SRRM2: variants seen among roughly 807,000 people sequenced by gnomAD.
SRRM2 encodes serine/arginine repetitive matrix protein 2.
A neutral mutation model predicts 213.8 loss-of-function variants in SRRM2; 30 were observed. The ratio of observed to expected loss-of-function variants is 0.14; its 90% CI spans 0.10 to 0.19. SRRM2 has a LOEUF of 0.19. Among genes scored for constraint, SRRM2 ranks in the 10% least tolerant of loss-of-function variants. The pLI is 1.00. For missense variants in SRRM2, 4,904 were observed against 3,647.0 expected (o/e 1.34, Z -8.88); for synonymous variants, 2,025 against 1,377.7 (o/e 1.47, Z -10.40).
At chr16:2,755,119 C>T (rs1187383878) in intron 1 of SRRM2, among the ~76,000 whole-genome samples, 2 of 152,170 alleles carry the variant, frequency 1.3e-5, no homozygotes, top group Non-Finnish European at 2.9e-5. Context: ...TTCTAGGAAA[C>T]TATCTTGGAG....
rs751525041 is a variant in SRRM2, at chr16:2,767,311, G to C, written c.6783G>C (p.Thr2261=). Residue 2261 remains threonine, a synonymous_variant, in exon 11 of 15, where the codon ACG becomes ACC. Transcript: ENST00000301740. The part of the protein sequence containing the change: ...PTAVNLADSR[T]PAAAAAMNLA... ...CAGTGAACCTGGCTGACTCTCGAAC[G>C]CCAGCTGCAGCAGCGGCCATGAACT... 6.2e-7 allele frequency: 1 copy of C among 1,613,654 alleles called. No individual in the cohort carries two copies. The highest frequency in any genetic ancestry group is 1.1e-5 in the South Asian group (1 of 91,074).
chr16:2,770,349 C>T lies in SRRM2; in HGVS notation c.8022-3C>T, dbSNP rs766246349. 1.1e-5 allele frequency: 17 copies of T among 1,584,984 alleles called. No homozygotes were observed. The South Asian group carries it at 2.0e-4, about 18-fold the overall frequency. On this transcript the variant is annotated splice_region_variant and splice_polypyrimidine_tract_variant and intron_variant, in intron 12 of 14. Coordinates refer to ENST00000301740, the MANE Select transcript of SRRM2 (RefSeq NM_016333.4). ...TGCTATTGGGTCCTACTGTGTTCCC[C>T]AGGTCCCGCAGCCCCCGGAAGCCAA...
rs142967354 is a variant in SRRM2 at position 2,765,887 on chromosome 16, C to T, written c.5359C>T (p.Arg1787Cys). 148 of 1,614,178 alleles carry T rather than the reference C, an allele frequency of 9.2e-5. No homozygotes were observed. The highest frequency in any genetic ancestry group is 3.3e-4 in the Admixed American group (20 of 60,030). ...GAGAGAGAAAACAAGAACAACCCGA[C>T]GTCGAGATAGGTCTGGATCTTCTCA... ...SRREKTRTTR[R>C]RDRSGSSQST... Residue 1787 changes from arginine to cysteine, a missense_variant, in exon 11 of 15, where the codon CGT (arginine) becomes TGT (cysteine). Arg to Cys is a radical substitution (Grantham distance 180, BLOSUM62 -3). Coordinates refer to ENST00000301740, the MANE Select transcript of SRRM2 (RefSeq NM_016333.4).
At chr16:2,770,830 C>T (rs186559209) in intron 14 of SRRM2, 28 bp from the exon 15 acceptor site, 5 of 1,613,858 alleles carry the variant, frequency 3.1e-6, no homozygotes, top group East Asian at 2.2e-5. Flanking sequence ...GGTGGGAACT[C>T]CCTGTTGACC....
chr16:2,756,426 G>A lies in SRRM2; in HGVS notation c.62G>A (p.Arg21His), dbSNP rs1239989309. The A allele has an allele frequency of 1.2e-5, 19 of 1,611,692 alleles. No individual in the cohort carries two copies. Among genetic ancestry groups the A allele is most frequent in the Non-Finnish European group, 1.6e-5 (19 of 1,179,214 alleles). The change falls in exon 2 of 15, where the codon CGC becomes CAC. Residue 21 changes from arginine (R) to histidine (H), a missense_variant. Transcript: ENST00000301740. ...AGCGGCACCAACGGCTACGTCCAGC[G>A]CAACCTGTCCCTGGTGCGGGGCCGC... ...RGSGTNGYVQ[R>H]NLSLVRGRRG...
chr16:2,757,657 TG>T, intron 3 of SRRM2, 78 bp downstream of exon 3: 1 of 1,580,266 alleles, frequency 6.3e-7, no homozygotes, highest in East Asian at 2.2e-5. Context: ...TTTCCTTACG[TG>T]GGACTTCCTC....
intron 11 of SRRM2, chr16:2,768,791 G>T: frequency 3.2e-6 from 3 of 939,532 alleles, no homozygotes; most frequent in Non-Finnish European, 5.0e-6. Flanking sequence ...CCCTTATGCT[G>T]CGGGCCCCAG....
Position 2,765,794 on chromosome 16 carries a change from A to C in SRRM2, c.5266A>C (p.Thr1756Pro), listed in dbSNP as rs2068519877. ...AGCTTCATCTCCACGCACTAAGACA[A>C]CCTCAAGGAGAGGCCGCTCTCCTTC... ...RSASSPRTKTTSRRGRSPSPK... is the reference protein window; with the variant it reads ...RSASSPRTKTPSRRGRSPSPK... The change falls in exon 11 of 15, where the codon ACC becomes CCC. Residue 1756 changes from threonine to proline, a missense_variant. Physicochemically the swap from Thr to Pro is conservative, Grantham distance 38. Transcript: ENST00000301740. 6.2e-7 allele frequency: 1 copy of C among 1,613,962 alleles called. No individual in the cohort carries two copies. Among genetic ancestry groups the C allele is most frequent in the East Asian group, 2.2e-5 (1 of 44,878 alleles).
At position 2,762,839 on chromosome 16, in the gene SRRM2, T is replaced by C; in HGVS notation, c.2311T>C (p.Ser771Pro). 1 of 1,614,038 alleles carries C rather than the reference T, an allele frequency of 6.2e-7. No homozygotes were observed. The highest frequency in any genetic ancestry group is 8.5e-7 in the Non-Finnish European group (1 of 1,180,014). ...CTCTTCACCACGGTCCAAAGCAAAA[T>C]CTCGCTTGTCTTTGAGGCGCAGCCT... ...SLSSPRSKAK[S>P]RLSLRRSLSG... is the part of the protein sequence containing the mutation. Residue 771 changes from serine to proline, a missense_variant, in exon 11 of 15, where the codon TCT becomes CCT. Coordinates refer to ENST00000301740, the MANE Select transcript of SRRM2 (RefSeq NM_016333.4).
rs1402363997 is a variant in SRRM2 at position 2,763,485 on chromosome 16, G to A, written c.2957G>A (p.Arg986Lys). 1.2e-6 allele frequency: 2 copies of A among 1,614,026 alleles called. No individual in the cohort carries two copies. Among genetic ancestry groups the A allele is most frequent in the African/African-American group, 2.7e-5 (2 of 74,914 alleles). ...AAAGTGAAACCTGAAACACCGCCAA[G>A]ACAAAGTCACTCAGGGTCTATTTCA... ...DTKVKPETPPRQSHSGSISPY... is the reference protein window; with the variant it reads ...DTKVKPETPPKQSHSGSISPY... Residue 986 changes from arginine (R) to lysine (K), a missense_variant, in exon 11 of 15, where the codon AGA becomes AAA. Transcript: ENST00000301740.
chr16:2,770,963 C>T lies in SRRM2; in HGVS notation c.*96C>T. The stretch of plus-strand genomic sequence containing the variant: ...AGCCGTGGGAGGGTCCTTGTCTGCT[C>T]TCCTTTGAACCTTGGCAGCCCTTGG... On this transcript the variant is annotated 3_prime_UTR_variant, in exon 15 of 15. Coordinates refer to ENST00000301740, the MANE Select transcript of SRRM2 (RefSeq NM_016333.4). The T allele has an allele frequency of 2.0e-6, 3 of 1,507,700 alleles. No individual in the cohort carries two copies. Among genetic ancestry groups the T allele is most frequent in the Non-Finnish European group, 2.7e-6 (3 of 1,100,902 alleles). 93.4% of individuals were successfully genotyped at this position (1,507,700 alleles called of 1,614,324 possible). A position where few individuals can be genotyped will look rare whatever the true frequency, so the allele number is the denominator to read the frequency against.
rs186552728 is a variant in SRRM2, at chr16:2,762,785, C to T, written c.2257C>T (p.Arg753Cys). 14 of 1,614,018 alleles carry T rather than the reference C, an allele frequency of 8.7e-6. No individual in the cohort carries two copies. Among genetic ancestry groups the T allele is most frequent in the Middle Eastern group, 3.3e-4 (2 of 6,084 alleles). ...TTCAAGCCCAGAAATGAAGAAATCT[C>T]GCATTTCTTCAAGGCGGAGCAGGTC... is the stretch of plus-strand genomic sequence containing the variant. ...SNSSPEMKKSRISSRRSRSLS... is the reference protein window; with the variant it reads ...SNSSPEMKKSCISSRRSRSLS... The change falls in exon 11 of 15, where the codon CGC (arginine) becomes TGC (cysteine). Residue 753 changes from arginine to cysteine, a missense_variant. By Grantham distance (180) the Arg-to-Cys change is radical. Coordinates refer to ENST00000301740, the MANE Select transcript of SRRM2 (RefSeq NM_016333.4).
intron 8 of SRRM2, 62 bp from the exon 9 acceptor site, chr16:2,759,505 TAC>T (rs1338082587): frequency 1.4e-5 from 22 of 1,603,546 alleles, no homozygotes; most frequent in Admixed American, 1.7e-5. Flanking sequence ...GGTTGAGGGA[TAC>T]GTGAGGAGAA....
Position 2,764,863 on chromosome 16 carries a change from A to T in SRRM2, c.4335A>T (p.Pro1445=). The change falls in exon 11 of 15, where the codon CCA becomes CCT. Residue 1445 remains proline (P), a synonymous_variant. Transcript: ENST00000301740. ...PSRRSRSGSS[P]GLRDGSGTPS... Reference sequence around the variant, plus strand: ...GGAGAAGCAGGTCTGGGTCTTCTCCAGGACTTAGAGATGGGTCTGGGACTC... The same window carrying T: ...GGAGAAGCAGGTCTGGGTCTTCTCCTGGACTTAGAGATGGGTCTGGGACTC... 1 of 1,614,244 alleles carries T rather than the reference A, an allele frequency of 6.2e-7. No individual in the cohort carries two copies. Among genetic ancestry groups the T allele is most frequent in the Non-Finnish European group, 8.5e-7 (1 of 1,180,034 alleles).
Position 2,768,294 on chromosome 16 carries a change from G to T in SRRM2, c.7733+33G>T, listed in dbSNP as rs763647748. 8 of 1,521,114 alleles carry T rather than the reference G, an allele frequency of 5.3e-6. No homozygotes were observed. In the Admixed American group the frequency reaches 1.5e-4, roughly 29 times the overall value. The allele number at this position is 1,521,114 out of a possible 1,614,324, so 94.2% of individuals were successfully genotyped here. A position where few individuals can be genotyped will look rare whatever the true frequency, so the allele number is the denominator to read the frequency against. ...AGCTTGACTTTTAGAAATCTTCAGT[G>T]GGGGAGGTATTGGGGATGGGTTGGG... is the stretch of plus-strand genomic sequence containing the variant. On this transcript the variant is annotated intron_variant, in intron 11 of 14. Transcript: ENST00000301740.
rs1364581761 is a variant in SRRM2, at chr16:2,758,550, A to G, written c.593+3A>G. ...AAAAAGAAGAAAGATAGAGGACGGT[A>G]AGTTAGTTGGAAAGTGACTCTGATA... On this transcript the variant is annotated splice_donor_region_variant and intron_variant, in intron 5 of 14. Transcript: ENST00000301740. 6.2e-7 allele frequency: 1 copy of G among 1,613,696 alleles called. No homozygotes were observed. The highest frequency in any genetic ancestry group is 8.5e-7 in the Non-Finnish European group (1 of 1,179,654).
chr16:2,761,684 T>C lies in SRRM2; in HGVS notation c.1156T>C (p.Leu386=). ...GSPQPLATTP[L]SQEPVNPPSE... ...CCCACAACCCCTTGCAACCACCCCC[T>C]TAAGCCAGGAGCCAGTGAACCCCCC... is the stretch of plus-strand genomic sequence containing the variant. The change falls in exon 11 of 15, where the codon TTA becomes CTA. Residue 386 remains leucine (L), a synonymous_variant. Coordinates refer to ENST00000301740, the MANE Select transcript of SRRM2 (RefSeq NM_016333.4). 6.2e-7 allele frequency: 1 copy of C among 1,602,410 alleles called. No individual in the cohort carries two copies. The highest frequency in any genetic ancestry group is 8.5e-7 in the Non-Finnish European group (1 of 1,174,308).
chr16:2,759,584 A>C lies in SRRM2; in HGVS notation c.756A>C (p.Thr252=), dbSNP rs1596269255. The part of the protein sequence containing the change: ...DKKRKRSRST[T]PAPKSRRAHR... ...CTTCCTTCAGGTCTCGAAGTACAAC[A>C]CCAGCCCCCAAGAGCCGCCGGGCCC... Residue 252 remains threonine, a synonymous_variant, in exon 9 of 15, where the codon ACA becomes ACC. Coordinates refer to ENST00000301740, the MANE Select transcript of SRRM2 (RefSeq NM_016333.4). The C allele has an allele frequency of 6.2e-7, 1 of 1,614,136 alleles. No homozygotes were observed. The highest frequency in any genetic ancestry group is 8.5e-7 in the Non-Finnish European group (1 of 1,180,034).
rs1477972624 is a variant in SRRM2, at chr16:2,763,799, C to A, written c.3271C>A (p.Gln1091Lys). The A allele has an allele frequency of 3.1e-6, 5 of 1,614,176 alleles. No homozygotes were observed. In the Admixed American group the frequency reaches 8.3e-5, roughly 27 times the overall value. The change falls in exon 11 of 15, where the codon CAA becomes AAA. Residue 1091 changes from glutamine (Q) to lysine (K), a missense_variant. Gln to Lys is a moderately conservative substitution (Grantham distance 53). Coordinates refer to ENST00000301740, the MANE Select transcript of SRRM2 (RefSeq NM_016333.4). ...ATCACCATCTCTGCAGAGCAAATCTCAAACATCACCTAAGGGAGGTCGGTC... is the reference window on the plus strand; with the variant it reads ...ATCACCATCTCTGCAGAGCAAATCTAAAACATCACCTAAGGGAGGTCGGTC... Reference protein sequence around the residue: ...SESPSLQSKSQTSPKGGRSRS... With the variant: ...SESPSLQSKSKTSPKGGRSRS...
Sources: gnomAD v4.1 joint callset for allele counts (sites outside exome capture counted in the v4.1 genomes callset) on GRCh38, gnomAD v4.1.1 for gene constraint, MANE v1.5 for transcripts, NCBI Gene and HGNC (gene_info 2026-07-23, HGNC 2026-07-21) for gene names.